RBMS3: variants seen among roughly 807,000 people sequenced by gnomAD.
The protein encoded by RBMS3 is RNA-binding motif, single-stranded-interacting protein 3.
A neutral mutation model predicts 66.8 loss-of-function variants in RBMS3; 27 were observed. That is an observed-to-expected ratio of 0.40 (90% CI 0.30 to 0.56). The LOEUF is 0.56. Among genes scored for constraint, RBMS3 ranks in the 20% least tolerant of loss-of-function variants. The probability of loss-of-function intolerance (pLI) is 0.40; values close to 1 mark genes in which losing one functional copy is unlikely to be tolerated. For synonymous variants in RBMS3, 188 were observed against 183.0 expected (o/e 1.03, Z -0.22); for missense variants, 513 against 549.5 (o/e 0.93, Z 0.66).
chr3:29,394,650 G>T (rs757683783), intron 1 of RBMS3, among the ~76,000 whole-genome samples: 2 of 152,172 alleles, frequency 1.3e-5, no homozygotes, highest in Non-Finnish European at 2.9e-5. Flanking sequence ...CACAATTTAT[G>T]TTCTTTGCCG....
chr3:29,932,933 G>A (rs1391196848), intron 10 of RBMS3, among the ~76,000 whole-genome samples: 3 of 152,122 alleles, frequency 2.0e-5, no homozygotes, highest in African/African-American at 4.8e-5. Flanking sequence ...TTTTGCAAAG[G>A]CAGTGGCTAA....
chr3:29,653,976 A>G (rs997678154), intron 4 of RBMS3, among the ~76,000 whole-genome samples: 1 of 152,256 alleles, frequency 6.6e-6, no homozygotes, highest in East Asian at 1.9e-4. Flanking sequence ...GCACATATCT[A>G]CTGTTCTCTG....
intron 4 of RBMS3, among the ~76,000 whole-genome samples, chr3:29,664,679 TA>T (rs557734841): frequency 2.2e-3 from 321 of 143,078 alleles, no homozygotes; most frequent in African/African-American, 4.8e-3. Context: ...CTCAGATGAT[TA>T]AAAAAAAAAA....
intron 2 of RBMS3, among the ~76,000 whole-genome samples, chr3:29,488,182 T>TGA (rs1376414284): frequency 1.3e-5 from 2 of 152,212 alleles, no homozygotes; most frequent in Non-Finnish European, 2.9e-5. Context: ...CAATCACATG[T>TGA]GATCCTCTTT....
intron 1 of RBMS3, among the ~76,000 whole-genome samples, chr3:29,374,158 A>G (rs2125608298): frequency 6.6e-6 from 1 of 152,310 alleles, no homozygotes; most frequent in Non-Finnish European, 1.5e-5. Flanking sequence ...CCAATCCAAA[A>G]CGGCAGAGAT....
intron 3 of RBMS3, among the ~76,000 whole-genome samples, chr3:29,506,969 G>T (rs1576047548): frequency 6.9e-6 from 1 of 145,476 alleles, no homozygotes; most frequent in African/African-American, 2.5e-5. Flanking sequence ...CTTTCTTTTT[G>T]TTCTTTGTTG....
chr3:29,860,524 G>A (rs932485718), intron 6 of RBMS3, among the ~76,000 whole-genome samples: 2 of 152,034 alleles, frequency 1.3e-5, no homozygotes, highest in Non-Finnish European at 2.9e-5. Flanking sequence ...TTCTATGACT[G>A]TAGTGCTGGA....
chr3:29,622,666 A>T (rs1394027485), intron 4 of RBMS3, among the ~76,000 whole-genome samples: 2 of 152,206 alleles, frequency 1.3e-5, no homozygotes, highest in African/African-American at 4.8e-5. Flanking sequence ...AGTGCCATAA[A>T]AGTAATGCCA....
chr3:29,581,637 G>A (rs533534683), intron 3 of RBMS3, among the ~76,000 whole-genome samples: 25 of 152,286 alleles, frequency 1.6e-4, no homozygotes, highest in African/African-American at 6.0e-4. Flanking sequence ...CCAAATGTTT[G>A]CTTTTTCTGT....
intron 1 of RBMS3, among the ~76,000 whole-genome samples, chr3:29,320,874 A>C (rs1392952789): frequency 6.6e-6 from 1 of 152,040 alleles, no homozygotes; most frequent in East Asian, 1.9e-4. Flanking sequence ...ATAAACTTTG[A>C]AGTCAGAGAG....
chr3:29,422,826 G>T (rs761268762), intron 1 of RBMS3, among the ~76,000 whole-genome samples: 1 of 151,936 alleles, frequency 6.6e-6, no homozygotes, highest in Non-Finnish European at 1.5e-5. Flanking sequence ...TCACATTTTT[G>T]ATCTGTGCTC....
intron 1 of RBMS3, among the ~76,000 whole-genome samples, chr3:29,305,133 C>T (rs1356092703): frequency 6.6e-6 from 1 of 151,868 alleles, no homozygotes. Context: ...GTCAGTGGCC[C>T]CCTCTCCCAG....
intron 3 of RBMS3, among the ~76,000 whole-genome samples, chr3:29,558,639 A>T (rs945793949): frequency 1.3e-5 from 2 of 152,220 alleles, no homozygotes; most frequent in Admixed American, 1.3e-4. Context: ...CTGAAAATAC[A>T]ATAATGTAAA....
intron 6 of RBMS3, among the ~76,000 whole-genome samples, chr3:29,840,997 C>T (rs1304235329): frequency 1.3e-5 from 2 of 151,878 alleles, no homozygotes; most frequent in African/African-American, 4.8e-5. Flanking sequence ...TTTCCTAGCT[C>T]TTCAAAATAC....
At chr3:29,510,435 A>G (rs143327214) in intron 3 of RBMS3, among the ~76,000 whole-genome samples, 50 of 152,324 alleles carry the variant, frequency 3.3e-4, no homozygotes, top group Non-Finnish European at 5.7e-4. Context: ...CTTACTTTAT[A>G]GAGGGTTCCC....
intron 1 of RBMS3, among the ~76,000 whole-genome samples, chr3:29,319,116 A>T (rs574060767): frequency 6.6e-6 from 1 of 152,072 alleles, no homozygotes; most frequent in Admixed American, 6.6e-5. Context: ...CCAGCCAGAG[A>T]TCAGATCACA....
intron 1 of RBMS3, among the ~76,000 whole-genome samples, chr3:29,294,468 A>C (rs1381412680): frequency 2.0e-5 from 3 of 151,820 alleles, no homozygotes; most frequent in Non-Finnish European, 4.4e-5. Context: ...ATAGTACTGC[A>C]TTATAAGTTG....
At chr3:29,778,269 T>C (rs1398762491) in intron 6 of RBMS3, among the ~76,000 whole-genome samples, 1 of 151,860 alleles carries the variant, frequency 6.6e-6, no homozygotes, top group Non-Finnish European at 1.5e-5. Context: ...GCTTTCTGCA[T>C]ATGTGTCTTT....
chr3:29,366,014 A>G (rs1293118972), intron 1 of RBMS3, among the ~76,000 whole-genome samples: 2 of 152,278 alleles, frequency 1.3e-5, no homozygotes, highest in African/African-American at 4.8e-5. Context: ...GAAGGAAAAA[A>G]GTCACATAGT....
Sources: allele counts gnomAD v4.1 joint callset (sites outside exome capture counted in the v4.1 genomes callset), GRCh38; gene constraint gnomAD v4.1.1; transcripts MANE v1.5; gene names NCBI Gene and HGNC (gene_info 2026-07-23, HGNC 2026-07-21).